Variants in SP100 observed in about 807,000 individuals in gnomAD.
SP100 encodes nuclear autoantigen Sp-100.
Under a neutral mutation model 130.0 loss-of-function variants are expected in SP100, and 84 were observed. That is an observed-to-expected ratio of 0.65 (90% CI 0.54 to 0.77). SP100 has a LOEUF of 0.77. Ranked by LOEUF, SP100 falls within the 30% of genes least tolerant of loss-of-function variation. The pLI, the probability that SP100 is intolerant of heterozygous loss-of-function variation, is 0.00. For missense variants in SP100, 978 were observed against 1,052.2 expected (o/e 0.93, Z 0.97); for synonymous variants, 331 against 351.7 (o/e 0.94, Z 0.66).
intron 15 of SP100, among the ~76,000 whole-genome samples, chr2:230,471,014 G>A (rs527973642): frequency 2.6e-5 from 4 of 152,166 alleles, no homozygotes; most frequent in Admixed American, 2.6e-4. Context: ...AATCTTTAGG[G>A]GGAGGGAAAA....
At chr2:230,514,865 G>T (rs995630152) in intron 24 of SP100, among the ~76,000 whole-genome samples, 1 of 152,106 alleles carries the variant, frequency 6.6e-6, no homozygotes, top group Non-Finnish European at 1.5e-5. Flanking sequence ...ATACCTCAAG[G>T]TTTCTGGGCC....
intron 2 of SP100, among the ~76,000 whole-genome samples, chr2:230,429,955 GATT>G (rs1387714281): frequency 2.0e-5 from 3 of 152,050 alleles, no homozygotes; most frequent in Non-Finnish European, 4.4e-5. Flanking sequence ...TAAGTTCACA[GATT>G]ATTATTTCTT....
In SP100 at chr2:230,416,240, C is replaced by T. The variant is rs1422035840; in HGVS notation, c.-57C>T. ...CAGCCACACTGCACGCAGGCTGGGC[C>T]GACTGAGGGGCTCAGAGGCCAGGCT... On this transcript the variant is annotated 5_prime_UTR_variant, in exon 1 of 29. Transcript: ENST00000340126. 1.9e-5 allele frequency: 29 copies of T among 1,507,188 alleles called. No homozygotes were observed. The highest frequency in any genetic ancestry group is 5.5e-5 in the African/African-American group (4 of 72,650). 93.4% of individuals were successfully genotyped at this position (1,507,188 alleles called of 1,614,324 possible).
At chr2:230,541,026 T>C in intron 26 of SP100, 30 bp downstream of exon 26, 1 of 1,591,154 alleles carries the variant, frequency 6.3e-7, no homozygotes. Context: ...TGAAGCCTCT[T>C]CCTTTCTGTT....
chr2:230,490,356 C>A (rs534232734), intron 17 of SP100, among the ~76,000 whole-genome samples: 2 of 152,102 alleles, frequency 1.3e-5, no homozygotes, highest in South Asian at 4.2e-4. Flanking sequence ...GGTAAATTTT[C>A]CTCCATTCCC....
chr2:230,428,791 C>T (rs1295089886), intron 2 of SP100, among the ~76,000 whole-genome samples: 3 of 152,156 alleles, frequency 2.0e-5, no homozygotes, highest in Non-Finnish European at 4.4e-5. Flanking sequence ...CTCACTGTCA[C>T]AAGAACAGCA....
chr2:230,440,929 A>G (rs974243940), intron 2 of SP100, among the ~76,000 whole-genome samples: 2 of 152,122 alleles, frequency 1.3e-5, no homozygotes, highest in Non-Finnish European at 2.9e-5. Context: ...TATTTCTTAG[A>G]TAGTACACTA....
intron 8 of SP100, among the ~76,000 whole-genome samples, chr2:230,457,606 C>T (rs545723370): frequency 2.0e-5 from 3 of 152,262 alleles, no homozygotes; most frequent in South Asian, 4.1e-4. Context: ...GTATCTTGCT[C>T]AATGCTGTGC....
chr2:230,424,783 C>T (rs962567663), intron 2 of SP100, among the ~76,000 whole-genome samples: 1 of 151,738 alleles, frequency 6.6e-6, no homozygotes, highest in Non-Finnish European at 1.5e-5. Context: ...TAATTTGGAA[C>T]TGCTGTGGTG....
intron 1 of SP100, chr2:230,416,887 A>G (rs1197838995): frequency 1.0e-6 from 1 of 985,390 alleles, no homozygotes; most frequent in Non-Finnish European, 1.2e-6. Context: ...CCAGGGTGAC[A>G]AACGGCTAAA....
intron 2 of SP100, among the ~76,000 whole-genome samples, chr2:230,440,087 T>C (rs2063423028): frequency 6.6e-6 from 1 of 152,116 alleles, no homozygotes; most frequent in Admixed American, 6.5e-5. Context: ...TGCTAAGTGC[T>C]TCTTCCTTGA....
intron 15 of SP100, 78 bp downstream of exon 15, chr2:230,470,176 T>C (rs969086327): frequency 1.3e-6 from 2 of 1,530,322 alleles, no homozygotes; most frequent in Middle Eastern, 1.7e-4. Flanking sequence ...TTCCAGACGC[T>C]TTTTATTCTG....
intron 2 of SP100, among the ~76,000 whole-genome samples, chr2:230,423,233 A>G (rs949561833): frequency 1.3e-5 from 2 of 152,088 alleles, no homozygotes; most frequent in African/African-American, 4.8e-5. Context: ...GCCAGTTTTG[A>G]TTGTTTATTG....
chr2:230,483,788 C>A (rs2065942297), intron 17 of SP100, among the ~76,000 whole-genome samples: 1 of 152,140 alleles, frequency 6.6e-6, no homozygotes, highest in African/African-American at 2.4e-5. Context: ...TAGTTATATT[C>A]TATAAAGTCA....
At chr2:230,518,905 G>C (rs1388236884) in intron 24 of SP100, among the ~76,000 whole-genome samples, 7 of 152,160 alleles carry the variant, frequency 4.6e-5, no homozygotes, top group Admixed American at 4.6e-4. Context: ...AGATGTTTGG[G>C]ACTACTAATT....
At chr2:230,424,150 A>C (rs1288467004) in intron 2 of SP100, among the ~76,000 whole-genome samples, 4 of 152,202 alleles carry the variant, frequency 2.6e-5, no homozygotes, top group Non-Finnish European at 4.4e-5. Context: ...GGTATTAATA[A>C]TGGTGCTGCC....
intron 8 of SP100, among the ~76,000 whole-genome samples, chr2:230,455,696 C>T (rs1015465151): frequency 3.9e-5 from 6 of 152,090 alleles, no homozygotes; most frequent in Non-Finnish European, 8.8e-5. Context: ...ATTCTTTATT[C>T]CTTTCTTTCT....
At chr2:230,446,723 C>G in intron 4 of SP100, 96 bp from the exon 5 acceptor site, 1 of 730,892 alleles carries the variant, frequency 1.4e-6, no homozygotes, top group Non-Finnish European at 2.3e-6. Context: ...AGCTCTGAGT[C>G]ACCCAAGGGC....
intron 4 of SP100, 78 bp from the exon 5 acceptor site, chr2:230,446,741 T>G: frequency 1.1e-6 from 1 of 911,918 alleles, no homozygotes. Flanking sequence ...GGCTGGAAAT[T>G]CCTAAAAGCA....
Sources: gnomAD v4.1 joint callset for allele counts (sites outside exome capture counted in the v4.1 genomes callset) on GRCh38, gnomAD v4.1.1 for gene constraint, MANE v1.5 for transcripts, NCBI Gene and HGNC (gene_info 2026-07-23, HGNC 2026-07-21) for gene names.